Variants in RGS3 observed in about 807,000 individuals in gnomAD.
The protein encoded by RGS3 is regulator of G protein signaling 3.
RGS3 carries 80 observed loss-of-function variants against 132.6 expected under a neutral mutation model. That is an observed-to-expected ratio of 0.60 (90% confidence interval 0.50 to 0.73). The LOEUF is 0.73. Ranked by LOEUF, RGS3 falls within the 30% of genes least tolerant of loss-of-function variation. The probability of loss-of-function intolerance (pLI) is 0.00; values close to 1 mark genes in which losing one functional copy is unlikely to be tolerated. For missense variants in RGS3, 1,382 were observed against 1,530.8 expected (o/e 0.90, Z 1.62); for synonymous variants, 598 against 620.6 (o/e 0.96, Z 0.54).
chr9:113,562,914 G>T (rs1353524929), intron 19 of RGS3, among the ~76,000 whole-genome samples: 1 of 152,236 alleles, frequency 6.6e-6, no homozygotes, highest in African/African-American at 2.4e-5. Flanking sequence ...GGGCCCTCTG[G>T]CTTAGAAAGC....
At chr9:113,482,404 C>T (rs754555837) in intron 4 of RGS3, among the ~76,000 whole-genome samples, 3 of 152,212 alleles carry the variant, frequency 2.0e-5, no homozygotes, top group Non-Finnish European at 4.4e-5. Flanking sequence ...TGCAAAGCAA[C>T]TCACTCTAGC....
intron 20 of RGS3, among the ~76,000 whole-genome samples, chr9:113,587,167 C>G (rs1835159342): frequency 6.6e-6 from 1 of 151,382 alleles, no homozygotes; most frequent in African/African-American, 2.4e-5. Context: ...CAAGGCCTCA[C>G]CATTGTCTAG....
intron 10 of RGS3, among the ~76,000 whole-genome samples, chr9:113,502,120 A>G (rs1588166920): frequency 6.6e-6 from 1 of 152,178 alleles, no homozygotes; most frequent in East Asian, 1.9e-4. Context: ...ACTATGGCTC[A>G]GGATTCCTTT....
chr9:113,493,643 C>CT (rs1007220568), intron 7 of RGS3, among the ~76,000 whole-genome samples: 5 of 152,134 alleles, frequency 3.3e-5, no homozygotes, highest in African/African-American at 9.7e-5. Context: ...AACAATATGT[C>CT]TTTTTTGAGA....
At chr9:113,555,378 A>G (rs1334878649) in intron 19 of RGS3, among the ~76,000 whole-genome samples, 1 of 152,118 alleles carries the variant, frequency 6.6e-6, no homozygotes, top group African/African-American at 2.4e-5. Context: ...CTAACCCATA[A>G]TGATCATGTC....
At chr9:113,547,710 G>A (rs1451857620) in intron 19 of RGS3, among the ~76,000 whole-genome samples, 1 of 152,202 alleles carries the variant, frequency 6.6e-6, no homozygotes, top group Non-Finnish European at 1.5e-5. Flanking sequence ...TGTGGTCACT[G>A]GTTTGCAGTC....
At chr9:113,594,480 C>T (rs1835642696) in exon 22 of RGS3, 1 of 1,613,738 alleles carries the variant, frequency 6.2e-7, no homozygotes, top group African/African-American at 1.3e-5. Context: ...CGGAATGAGT[C>T]CCCTGGAGCC....
chr9:113,541,598 C>T, intron 19 of RGS3: 1 of 1,324,040 alleles, frequency 7.6e-7, no homozygotes, highest in Non-Finnish European at 9.7e-7. Flanking sequence ...AACAGAAGGA[C>T]CACAATGGTG....
At chr9:113,501,305 G>A (rs1830880572) in intron 10 of RGS3, 1 of 849,354 alleles carries the variant, frequency 1.2e-6, no homozygotes, top group Non-Finnish European at 1.7e-6. Context: ...TCCCCGCCGG[G>A]CCCGGGGAAT....
At chr9:113,445,536 A>G (rs1829082172) in intron 1 of RGS3, among the ~76,000 whole-genome samples, 1 of 152,132 alleles carries the variant, frequency 6.6e-6, no homozygotes, top group Admixed American at 6.6e-5. Flanking sequence ...TCCTAGTGAC[A>G]CCTGGCCCAG....
chr9:113,496,636 C>A (rs569928885), intron 8 of RGS3, among the ~76,000 whole-genome samples: 2 of 152,100 alleles, frequency 1.3e-5, no homozygotes, highest in South Asian at 4.2e-4. Context: ...CTGCAACCTC[C>A]GCCTCCCAGG....
chr9:113,532,337 C>T (rs148722735), intron 18 of RGS3, among the ~76,000 whole-genome samples: 80 of 152,212 alleles, frequency 5.3e-4, no homozygotes, highest in Non-Finnish European at 1.0e-3. Context: ...TTCAGCCTCC[C>T]TGGAGGGAGC....
chr9:113,470,009 C>T (rs953398799), intron 3 of RGS3, among the ~76,000 whole-genome samples: 2 of 150,894 alleles, frequency 1.3e-5, no homozygotes, highest in African/African-American at 4.9e-5. Context: ...TTCCTGGATT[C>T]AAGCAATTCT....
intron 19 of RGS3, among the ~76,000 whole-genome samples, chr9:113,550,933 T>C (rs2118741300): frequency 6.6e-6 from 1 of 152,360 alleles, no homozygotes; most frequent in East Asian, 1.9e-4. Context: ...GACTTATTAG[T>C]CATATCTATC....
At chr9:113,514,330 C>A (rs539718241) in intron 14 of RGS3, 128 bp from the exon 13 acceptor site, 22 of 827,418 alleles carry the variant, frequency 2.7e-5, no homozygotes, top group Non-Finnish European at 3.7e-5. Context: ...GTGCGCAGGG[C>A]CTGGCACAAA....
intron 23 of RGS3, 200 bp from the exon 22 acceptor site, chr9:113,595,398 GA>G (rs1439782998): frequency 5.1e-6 from 3 of 593,520 alleles, no homozygotes; most frequent in African/African-American, 1.9e-5. Context: ...GAGGCATAGA[GA>G]GGGGGAGACC....
rs771807439 is a variant in RGS3 at position 113,584,378 on chromosome 9, A to G, written c.2966A>G (p.Asn989Ser). ...ACCCTCAAGAAAGAGCTGGGCCGCA[A>G]TGGTGGCTCCATGCACCACCTTTCC... Residue 989 changes from asparagine (N) to serine (S), a missense_variant, in exon 20 of 25, where the codon AAT becomes AGT. Coordinates refer to ENST00000350696, the Ensembl canonical transcript of RGS3. 7.1e-6 allele frequency: 11 copies of G among 1,548,626 alleles called. No homozygotes were observed. In the Admixed American group the frequency reaches 7.7e-5, roughly 11 times the overall value.
At chr9:113,462,178 C>T (rs370205168) in exon 3 of RGS3, 307 of 1,613,850 alleles carry the variant, frequency 1.9e-4, no homozygotes, top group Non-Finnish European at 2.5e-4. Flanking sequence ...AAGAGGATCA[C>T]GCATGCCAAA....
chr9:113,522,890 C>T (rs375813908), intron 16 of RGS3, 40 bp from the exon 15 acceptor site: 64 of 1,370,074 alleles, frequency 4.7e-5, no homozygotes, highest in Non-Finnish European at 6.7e-5. Flanking sequence ...CTCCAGAGGA[C>T]AGCAAAGTAG....
Sources: allele counts gnomAD v4.1 joint callset (sites outside exome capture counted in the v4.1 genomes callset), GRCh38; gene constraint gnomAD v4.1.1; transcripts MANE v1.5; gene names NCBI Gene and HGNC (gene_info 2026-07-23, HGNC 2026-07-21).